Variants in HNRNPM observed in about 807,000 individuals in gnomAD.
The protein encoded by HNRNPM is heterogeneous nuclear ribonucleoprotein M.
Under a neutral mutation model 73.1 loss-of-function variants are expected in HNRNPM, and 11 were observed. The observed-to-expected ratio is 0.15, with a 90% CI of 0.09 to 0.25. HNRNPM has a LOEUF of 0.25. Among genes scored for constraint, HNRNPM ranks in the 10% least tolerant of loss-of-function variants. HNRNPM has a pLI of 1.00. For synonymous variants in HNRNPM, 407 were observed against 355.2 expected (o/e 1.15, Z -1.64); for missense variants, 789 against 1,067.9 (o/e 0.74, Z 3.64).
chr19:8,461,718 AT>A (rs1349257299), intron 2 of HNRNPM, among the ~76,000 whole-genome samples: 1 of 151,506 alleles, frequency 6.6e-6, no homozygotes, highest in Non-Finnish European at 1.5e-5. Flanking sequence ...CTAAATTTGA[AT>A]TTATTTGTGT....
At chr19:8,488,521 T>TG in intron 15 of HNRNPM, 170 bp from the exon 16 acceptor site, 1 of 538,350 alleles carries the variant, frequency 1.9e-6, no homozygotes, top group Non-Finnish European at 3.3e-6. Context: ...GGGCAGGCTC[T>TG]GTTAGCAGAA....
At chr19:8,479,841 C>T (rs1164422879) in intron 12 of HNRNPM, among the ~76,000 whole-genome samples, 3 of 137,738 alleles carry the variant, frequency 2.2e-5, no homozygotes, top group African/African-American at 8.3e-5. Context: ...GTGGCACAAT[C>T]TTGGCTCACT....
At position 8,485,908 on chromosome 19, in the gene HNRNPM, C is replaced by T. The variant is rs760810330; in HGVS notation, c.1480C>T (p.Leu494Phe). 4 of 1,603,748 alleles carry T rather than the reference C, an allele frequency of 2.5e-6. No individual in the cohort carries two copies. The highest frequency in any genetic ancestry group is 3.4e-6 in the Non-Finnish European group (4 of 1,179,184). ...ERMGAGMGFG[L>F]ERMAAPIDRV... The stretch of plus-strand genomic sequence containing the variant: ...CATGGGTGCCGGCATGGGCTTCGGC[C>T]TTGAGCGCATGGCCGCTCCCATCGA... Residue 494 changes from leucine (L) to phenylalanine (F), a missense_variant, in exon 14 of 16, where the codon CTT becomes TTT. By Grantham distance (22) the Leu-to-Phe change is conservative. Transcript: ENST00000325495.
chr19:8,466,449 G>A (rs1229890454), intron 7 of HNRNPM, 61 bp downstream of exon 7: 7 of 1,508,456 alleles, frequency 4.6e-6, no homozygotes, highest in Non-Finnish European at 5.5e-6. Flanking sequence ...TGTTAGTAAT[G>A]TAGGTTTGTG....
At chr19:8,468,303 A>G (rs566986542) in intron 8 of HNRNPM, among the ~76,000 whole-genome samples, 1 of 152,306 alleles carries the variant, frequency 6.6e-6, no homozygotes, top group East Asian at 1.9e-4. Flanking sequence ...GAGCACTTCA[A>G]TCTTAATAAA....
intron 2 of HNRNPM, among the ~76,000 whole-genome samples, chr19:8,456,478 C>G (rs1013493892): frequency 6.6e-6 from 1 of 152,216 alleles, no homozygotes; most frequent in Admixed American, 6.5e-5. Flanking sequence ...CCTCCCCGCA[C>G]CCCGACCTAG....
At chr19:8,480,274 G>A (rs558742847) in intron 12 of HNRNPM, among the ~76,000 whole-genome samples, 3 of 147,358 alleles carry the variant, frequency 2.0e-5, no homozygotes, top group Admixed American at 6.7e-5. Flanking sequence ...TACTTGGGAG[G>A]CGGAGGTTGC....
At chr19:8,476,410 C>T (rs954126889) in intron 12 of HNRNPM, among the ~76,000 whole-genome samples, 3 of 152,054 alleles carry the variant, frequency 2.0e-5, no homozygotes, top group Non-Finnish European at 4.4e-5. Context: ...CATGGGTGCT[C>T]CCATCAGACT....
chr19:8,448,993 C>G (rs1968422297), intron 1 of HNRNPM, among the ~76,000 whole-genome samples: 2 of 152,196 alleles, frequency 1.3e-5, no homozygotes. Context: ...TCCCAGGCAG[C>G]TTGCTGCTTT....
intron 12 of HNRNPM, among the ~76,000 whole-genome samples, chr19:8,476,152 A>G (rs1970490589): frequency 2.0e-5 from 3 of 151,976 alleles, no homozygotes; most frequent in Admixed American, 2.0e-4. Context: ...AGAACCACAA[A>G]TGGAGTGTGT....
rs1020576972 is a variant in HNRNPM, at chr19:8,485,681, G to T, written c.1253G>T (p.Arg418Leu). ...IDRLGGAGME[R>L]MGAGLGHGMD... ...CGCCTCGGGGGTGCCGGCATGGAGC[G>T]CATGGGCGCGGGCCTGGGCCACGGC... The change falls in exon 14 of 16, where the codon CGC (arginine) becomes CTC (leucine). Residue 418 changes from arginine to leucine, a missense_variant. By Grantham distance (102) the Arg-to-Leu change is moderately radical. This residue lies in a region of HNRNPM where 604 missense variants were observed against 744.0 expected (regional missense o/e 0.81). Transcript: ENST00000325495. 9 of 1,607,980 alleles carry T rather than the reference G, an allele frequency of 5.6e-6. No individual in the cohort carries two copies. The highest frequency in any genetic ancestry group is 7.6e-6 in the Non-Finnish European group (9 of 1,179,708).
intron 12 of HNRNPM, among the ~76,000 whole-genome samples, chr19:8,480,317 C>G (rs1970823182): frequency 7.3e-6 from 1 of 137,026 alleles, no homozygotes; most frequent in South Asian, 2.4e-4. Context: ...GCACTCCAGC[C>G]TGGGTGACAG....
intron 12 of HNRNPM, among the ~76,000 whole-genome samples, chr19:8,475,546 CCTT>C (rs1970440454): frequency 6.6e-6 from 1 of 152,080 alleles, no homozygotes; most frequent in Non-Finnish European, 1.5e-5. Context: ...ATGATCAGGC[CCTT>C]CTTCCGGTGC....
chr19:8,458,280 C>G (rs1161696692), intron 2 of HNRNPM, among the ~76,000 whole-genome samples: 1 of 152,194 alleles, frequency 6.6e-6, no homozygotes, highest in Non-Finnish European at 1.5e-5. Context: ...AGGAAGTAAA[C>G]TGGTCATTTA....
At chr19:8,464,623 G>T (rs908735627) in intron 5 of HNRNPM, among the ~76,000 whole-genome samples, 2 of 152,286 alleles carry the variant, frequency 1.3e-5, no homozygotes, top group African/African-American at 4.8e-5. Context: ...TAAGAGCAAA[G>T]CTCTGTCTCA....
Position 8,474,219 on chromosome 19 carries a change from T to C in HNRNPM, c.1095T>C (p.Ser365=). The change falls in exon 12 of 16, where the codon TCT becomes TCC. Residue 365 remains serine (S), a synonymous_variant. Transcript: ENST00000325495. ...GGMENMGRFG[S]GMNMGRINEI... Reference sequence around the variant, plus strand: ...TGGAAAACATGGGTCGATTTGGATCTGGGATGAACATGGGCAGGATAAATG... The same window carrying C: ...TGGAAAACATGGGTCGATTTGGATCCGGGATGAACATGGGCAGGATAAATG... 6.3e-7 allele frequency: 1 copy of C among 1,595,812 alleles called. No homozygotes were observed.
chr19:8,467,411 T>C, intron 7 of HNRNPM, 124 bp from the exon 8 acceptor site: 2 of 683,584 alleles, frequency 2.9e-6, no homozygotes, highest in Non-Finnish European at 5.2e-6. Context: ...AATGAAGAAT[T>C]GAAATTGCTC....
intron 9 of HNRNPM, among the ~76,000 whole-genome samples, chr19:8,469,090 C>T (rs1969957363): frequency 1.3e-5 from 2 of 152,052 alleles, no homozygotes. Flanking sequence ...TGAAAGTGTC[C>T]TGGGGAAGGA....
intron 7 of HNRNPM, among the ~76,000 whole-genome samples, chr19:8,466,699 G>T (rs1969769237): frequency 2.0e-5 from 3 of 151,960 alleles, no homozygotes; most frequent in Non-Finnish European, 2.9e-5. Flanking sequence ...AGTGGTGGGT[G>T]CCTGTAATCC....
Sources: allele counts gnomAD v4.1 joint callset (sites outside exome capture counted in the v4.1 genomes callset), GRCh38; gene constraint gnomAD v4.1.1; regional missense constraint gnomAD v4.1.1; transcripts MANE v1.5; gene names NCBI Gene and HGNC (gene_info 2026-07-23, HGNC 2026-07-21).